FARS2: variants seen among roughly 807,000 people sequenced by gnomAD.
FARS2 encodes the protein phenylalanyl-tRNA synthetase 2, mitochondrial.
A neutral mutation model predicts 46.4 loss-of-function variants in FARS2; 40 were observed. That is an observed-to-expected ratio of 0.86 (90% CI 0.67 to 1.12). The LOEUF (loss-of-function observed/expected upper bound fraction) is 1.12. FARS2 is among the 50% of genes most tolerant of loss of function. The pLI is 0.00. For synonymous variants in FARS2, 234 were observed against 214.9 expected (o/e 1.09, Z -0.78); for missense variants, 513 against 567.9 (o/e 0.90, Z 0.98).
intron 4 of FARS2, among the ~76,000 whole-genome samples, chr6:5,481,485 C>T (rs539593975): frequency 3.9e-5 from 6 of 152,086 alleles, no homozygotes; most frequent in African/African-American, 1.5e-4. Flanking sequence ...GGATCTGCCT[C>T]AGTTCATTGT....
At chr6:5,546,543 C>T (rs1361368447) in intron 5 of FARS2, among the ~76,000 whole-genome samples, 2 of 151,876 alleles carry the variant, frequency 1.3e-5, no homozygotes, top group Non-Finnish European at 2.9e-5. Flanking sequence ...AGCCACTGCG[C>T]CCAGCCCTCA....
chr6:5,735,651 C>T (rs566879283), intron 6 of FARS2, among the ~76,000 whole-genome samples: 2 of 152,324 alleles, frequency 1.3e-5, no homozygotes, highest in East Asian at 1.9e-4. Flanking sequence ...CTTTATCTTT[C>T]GCCTGCTAAT....
At chr6:5,637,387 C>T (rs1306845047) in intron 6 of FARS2, among the ~76,000 whole-genome samples, 2 of 152,214 alleles carry the variant, frequency 1.3e-5, no homozygotes, top group East Asian at 3.8e-4. Flanking sequence ...CTGGGCATCA[C>T]TACGCCTTCA....
intron 4 of FARS2, among the ~76,000 whole-genome samples, chr6:5,486,396 TG>T (rs1766779530): frequency 6.6e-6 from 1 of 152,168 alleles, no homozygotes; most frequent in Non-Finnish European, 1.5e-5. Context: ...TGTTATGACT[TG>T]TTTTTATTTT....
chr6:5,532,229 A>G (rs556271958), intron 4 of FARS2, among the ~76,000 whole-genome samples: 5 of 152,250 alleles, frequency 3.3e-5, no homozygotes, highest in Non-Finnish European at 5.9e-5. Context: ...TACCTTGAAC[A>G]TAGCCGTCCT....
At chr6:5,745,908 C>T (rs1047597652) in intron 6 of FARS2, among the ~76,000 whole-genome samples, 9 of 151,968 alleles carry the variant, frequency 5.9e-5, no homozygotes, top group Admixed American at 4.6e-4. Flanking sequence ...GGTACAGAGT[C>T]GGAGGAGAAC....
intron 4 of FARS2, among the ~76,000 whole-genome samples, chr6:5,460,442 A>C (rs1490410413): frequency 6.6e-6 from 1 of 152,190 alleles, no homozygotes; most frequent in African/African-American, 2.4e-5. Flanking sequence ...CTTAAAACAG[A>C]TATTAGGTGC....
chr6:5,384,640 G>A (rs1262350952), intron 2 of FARS2, among the ~76,000 whole-genome samples: 1 of 152,160 alleles, frequency 6.6e-6, no homozygotes, highest in Non-Finnish European at 1.5e-5. Context: ...GGCCATGTTG[G>A]CCAGCGAGGA....
intron 6 of FARS2, among the ~76,000 whole-genome samples, chr6:5,613,854 T>C (rs754630296): frequency 6.6e-6 from 1 of 152,124 alleles, no homozygotes; most frequent in African/African-American, 2.4e-5. Flanking sequence ...GAAAAATGCA[T>C]TGGGTGTCAT....
rs191278141 is a variant in FARS2 at position 5,745,943 on chromosome 6, G to A, written c.1218-25348G>A. ...CCCTGGGGAGACCTCGTCATTGGAA[G>A]GAACCCCAAAAGGCTGTGAGGAGGC... is the stretch of plus-strand genomic sequence containing the variant. On this transcript the variant is annotated intron_variant, in intron 6 of 6. Transcript: ENST00000274680. 3.3e-5 allele frequency among the ~76,000 whole-genome samples: 5 copies of A among 152,250 alleles called. No homozygotes were observed. The East Asian group carries it at 7.7e-4, about 24-fold the overall frequency.
intron 1 of FARS2, among the ~76,000 whole-genome samples, chr6:5,325,628 T>C (rs1046914094): frequency 6.6e-6 from 1 of 152,222 alleles, no homozygotes; most frequent in Non-Finnish European, 1.5e-5. Context: ...TAGAATTACT[T>C]GCATCCATTA....
intron 1 of FARS2, among the ~76,000 whole-genome samples, chr6:5,285,006 G>A (rs530193521): frequency 4.6e-5 from 7 of 152,326 alleles, no homozygotes; most frequent in African/African-American, 1.7e-4. Flanking sequence ...CTAACGTTTT[G>A]TTAAGGATCC....
At chr6:5,460,671 T>G (rs1158735758) in intron 4 of FARS2, among the ~76,000 whole-genome samples, 1 of 152,196 alleles carries the variant, frequency 6.6e-6, no homozygotes, top group African/African-American at 2.4e-5. Flanking sequence ...AGCTACTGCC[T>G]CTTGATACCC....
intron 4 of FARS2, among the ~76,000 whole-genome samples, chr6:5,487,078 CAAAGT>C (rs1288240168): frequency 6.6e-6 from 1 of 152,112 alleles, no homozygotes. Flanking sequence ...AAATAAATCT[CAAAGT>C]AAGGTATGCA....
intron 1 of FARS2, among the ~76,000 whole-genome samples, chr6:5,302,564 A>T (rs1448491048): frequency 2.6e-5 from 4 of 152,172 alleles, no homozygotes; most frequent in Non-Finnish European, 2.9e-5. Context: ...CAATCTTAGG[A>T]GGTGGACACT....
At chr6:5,644,146 G>T (rs145809843) in intron 6 of FARS2, among the ~76,000 whole-genome samples, 2 of 152,092 alleles carry the variant, frequency 1.3e-5, no homozygotes, top group African/African-American at 4.8e-5. Context: ...TAGCCATAGC[G>T]CAGCCATCCT....
intron 5 of FARS2, among the ~76,000 whole-genome samples, chr6:5,562,847 A>G (rs1772081945): frequency 6.9e-6 from 1 of 144,306 alleles, no homozygotes; most frequent in South Asian, 2.2e-4. Context: ...CTCATCGCCC[A>G]GGCCGGAGTG....
intron 6 of FARS2, among the ~76,000 whole-genome samples, chr6:5,716,076 T>G (rs1055145833): frequency 1.2e-4 from 18 of 152,200 alleles, no homozygotes; most frequent in African/African-American, 3.6e-4. Context: ...ATATTGAGAG[T>G]TTTTCATGTG....
intron 3 of FARS2, among the ~76,000 whole-genome samples, chr6:5,427,647 G>A (rs189138546): frequency 2.0e-5 from 3 of 152,140 alleles, no homozygotes; most frequent in South Asian, 2.1e-4. Flanking sequence ...CCATTAAATC[G>A]TTCGTGTTTA....
Sources: gnomAD v4.1 joint callset for allele counts (sites outside exome capture counted in the v4.1 genomes callset) on GRCh38, gnomAD v4.1.1 for gene constraint, MANE v1.5 for transcripts, NCBI Gene and HGNC (gene_info 2026-07-23, HGNC 2026-07-21) for gene names.